Variants in KIRREL3 observed in about 807,000 individuals in gnomAD.
KIRREL3 encodes the protein kin of IRRE-like protein 3.
Under a neutral mutation model 89.7 loss-of-function variants are expected in KIRREL3, and 36 were observed. That is an observed-to-expected ratio of 0.40 (90% CI 0.31 to 0.53). The LOEUF is 0.53. Among genes scored for constraint, KIRREL3 ranks in the 20% least tolerant of loss-of-function variants. The probability of loss-of-function intolerance (pLI) is 0.49; values close to 1 mark genes in which losing one functional copy is unlikely to be tolerated. For missense variants in KIRREL3, 864 were observed against 1,056.6 expected, an observed-to-expected ratio of 0.82 and a Z score of 2.53; for synonymous variants, 445 against 441.4, an observed-to-expected ratio of 1.01 and a Z score of -0.10.
chr11:126,799,708 T>A (rs746782858), intron 1 of KIRREL3, among the ~76,000 whole-genome samples: 2 of 152,056 alleles, frequency 1.3e-5, no homozygotes, highest in Admixed American at 1.3e-4. Flanking sequence ...ACCAGAGAGA[T>A]GGCAGAACCT....
At chr11:126,559,341 C>T (rs1051811984) in intron 2 of KIRREL3, among the ~76,000 whole-genome samples, 6 of 152,212 alleles carry the variant, frequency 3.9e-5, no homozygotes, top group Admixed American at 2.0e-4. Flanking sequence ...TAGTTAATTA[C>T]CTAAATGAAA....
chr11:126,825,645 T>C (rs2134466730), intron 1 of KIRREL3, among the ~76,000 whole-genome samples: 2 of 152,360 alleles, frequency 1.3e-5, no homozygotes, highest in Middle Eastern at 3.4e-3. Context: ...GAATACTACA[T>C]TCCTGTTAGA....
rs972056273 is a variant in KIRREL3 at position 126,644,573 on chromosome 11, G to A, written c.56-81661C>T. 3.3e-5 allele frequency among the ~76,000 whole-genome samples: 5 copies of A among 152,200 alleles called. No individual in the cohort carries two copies. The East Asian group carries it at 9.6e-4, about 29-fold the overall frequency. ...ATGAAGCTGGTGAAGACATGGGTTG[G>A]GGGTGGGGGCTGAAAGCCTGGTACT... On this transcript the variant is annotated intron_variant, in intron 1 of 16. Transcript: ENST00000525144.
rs1270146174 is a variant in KIRREL3, at chr11:126,808,771, A to G, written c.55+191684T>C. Among the ~76,000 whole-genome samples, 5 of 152,200 alleles carry G rather than the reference A, an allele frequency of 3.3e-5. No individual in the cohort carries two copies. Among genetic ancestry groups the G allele is most frequent in the Admixed American group, 2.0e-4 (3 of 15,274 alleles). On this transcript the variant is annotated intron_variant, in intron 1 of 16. Coordinates refer to ENST00000525144, the MANE Select transcript of KIRREL3 (RefSeq NM_032531.4). The surrounding 1 kb of genome is among the most constrained non-coding windows in gnomAD (Gnocchi z 4.1). ...ATAGAATGAATTGTTGAGACGGAGA[A>G]TATATTTTGCCATCTCAGTGCTTCT...
At chr11:126,542,491 T>C (rs367738936) in intron 2 of KIRREL3, among the ~76,000 whole-genome samples, 2 of 152,328 alleles carry the variant, frequency 1.3e-5, no homozygotes, top group East Asian at 3.9e-4. Flanking sequence ...AATATGGATA[T>C]GTTTGATGTT....
rs937623800 is a variant in KIRREL3, at chr11:126,900,482, GTTAAACAAAAAAGTAA to G, written c.55+99957_55+99972del. On this transcript the variant is annotated intron_variant, in intron 1 of 16. Transcript: ENST00000525144. This position sits in a 1 kb window ranked among gnomAD's most constrained non-coding sequence, Gnocchi z 4.4. The stretch of plus-strand genomic sequence containing the variant: ...CCAATTCCCTTTCCTTCTGCAAAGA[GTTAAACAAAAAAGTAA>G]TTAAACAATAATTTCTTTGTGAGTG... Among the ~76,000 whole-genome samples, 255 of 152,284 alleles carry G rather than the reference GTTAAACAAAAAAGTAA, an allele frequency of 1.7e-3. No homozygotes were observed. The highest frequency in any genetic ancestry group is 5.8e-3 in the African/African-American group (243 of 41,558).
At position 126,443,393 on chromosome 11, in the gene KIRREL3, T is replaced by C. The variant is rs1955661682; in HGVS notation, c.1252+1586A>G. On this transcript the variant is annotated intron_variant, in intron 10 of 16. Coordinates refer to ENST00000525144, the MANE Select transcript of KIRREL3 (RefSeq NM_032531.4). The surrounding 1 kb of genome is among the most constrained non-coding windows in gnomAD (Gnocchi z 7.3). ...GAAAAGGCTGCAGCCTGTGTTGCCATGGATATACGGAGGCGCGATCAGATG... is the reference window on the plus strand; with the variant it reads ...GAAAAGGCTGCAGCCTGTGTTGCCACGGATATACGGAGGCGCGATCAGATG... Among the ~76,000 whole-genome samples, 1 of 152,154 alleles carries C rather than the reference T, an allele frequency of 6.6e-6. No individual in the cohort carries two copies. Among genetic ancestry groups the C allele is most frequent in the Admixed American group, 6.5e-5 (1 of 15,276 alleles).
In KIRREL3 at chr11:126,747,885, ACT is replaced by A. The variant is rs1357646772; in HGVS notation, c.56-184975_56-184974del. ...TTAGCAACCTCAGGTCAACTGGAAG[ACT>A]CCCCTCCAGACAGGCGTTGCGGTCT... On this transcript the variant is annotated intron_variant, in intron 1 of 16. Transcript: ENST00000525144. The surrounding 1 kb of genome is among the most constrained non-coding windows in gnomAD (Gnocchi z 4.7). 1.3e-5 allele frequency among the ~76,000 whole-genome samples: 2 copies of A among 150,858 alleles called. No homozygotes were observed. The highest frequency in any genetic ancestry group is 4.9e-5 in the African/African-American group (2 of 40,908).
In KIRREL3 at chr11:126,754,819, C is replaced by T. The variant is rs1343664867; in HGVS notation, c.56-191907G>A. 1.3e-5 allele frequency among the ~76,000 whole-genome samples: 2 copies of T among 152,134 alleles called. No homozygotes were observed. The highest frequency in any genetic ancestry group is 4.8e-5 in the African/African-American group (2 of 41,442). ...TAAAATATAGGTCACCACAAATCAC[C>T]ACTTAGGAAATGACTGGTCTCTTTC... On this transcript the variant is annotated intron_variant, in intron 1 of 16. Transcript: ENST00000525144. The surrounding 1 kb of genome is among the most constrained non-coding windows in gnomAD (Gnocchi z 5.1).
In KIRREL3 at chr11:126,775,947, G is replaced by T. The variant is rs901694287; in HGVS notation, c.56-213035C>A. On this transcript the variant is annotated intron_variant, in intron 1 of 16. Coordinates refer to ENST00000525144, the MANE Select transcript of KIRREL3 (RefSeq NM_032531.4). ...TGAGACCTCTGACCCCTATGGCTTGGGGGAGGTACAATGGCTGAGGCTGAT... is the reference window on the plus strand; with the variant it reads ...TGAGACCTCTGACCCCTATGGCTTGTGGGAGGTACAATGGCTGAGGCTGAT... Among the ~76,000 whole-genome samples, 32 of 152,292 alleles carry T rather than the reference G, an allele frequency of 2.1e-4. No individual in the cohort carries two copies. In the East Asian group the frequency reaches 2.3e-3, roughly 11 times the overall value.
At chr11:126,951,198 A>C (rs1948764622) in intron 1 of KIRREL3, among the ~76,000 whole-genome samples, 1 of 152,228 alleles carries the variant, frequency 6.6e-6, no homozygotes, top group African/African-American at 2.4e-5. Flanking sequence ...GCTTCAGAAA[A>C]GAGGAGCCTG....
intron 1 of KIRREL3, among the ~76,000 whole-genome samples, chr11:126,692,272 C>T (rs149810755): frequency 3.7e-4 from 57 of 152,146 alleles, no homozygotes; most frequent in African/African-American, 1.2e-3. Context: ...AGGCTGGGCA[C>T]GGTGGTTCAG....
At position 126,965,137 on chromosome 11, in the gene KIRREL3, A is replaced by G. The variant is rs1047057384; in HGVS notation, c.55+35318T>C. Among the ~76,000 whole-genome samples the G allele has an allele frequency of 6.6e-5, 10 of 152,220 alleles. No individual in the cohort carries two copies. Among genetic ancestry groups the G allele is most frequent in the Non-Finnish European group, 8.8e-5 (6 of 68,038 alleles). ...TCAAGAACAGAGAGATAAAATGGAG[A>G]TAAGTGTGAGTTAGGAGCTCTGGGG... On this transcript the variant is annotated intron_variant, in intron 1 of 16. Transcript: ENST00000525144. The surrounding 1 kb of genome is among the most constrained non-coding windows in gnomAD (Gnocchi z 4.4).
At chr11:126,580,915 C>G (rs528715791) in intron 1 of KIRREL3, among the ~76,000 whole-genome samples, 3 of 149,100 alleles carry the variant, frequency 2.0e-5, no homozygotes, top group African/African-American at 7.4e-5. Context: ...CCCTTTCAGT[C>G]TTTGCATGTG....
intron 1 of KIRREL3, among the ~76,000 whole-genome samples, chr11:126,638,226 C>T (rs10790817): frequency 0.22 from 33,217 of 152,138 alleles, 3,929 homozygotes; most frequent in East Asian, 0.32. Flanking sequence ...CCCATTTCCT[C>T]TTGACAGAAT....
intron 1 of KIRREL3, among the ~76,000 whole-genome samples, chr11:126,657,576 C>T (rs546396381): frequency 2.0e-5 from 3 of 152,202 alleles, no homozygotes; most frequent in East Asian, 3.9e-4. Context: ...GGGGCTGGGA[C>T]GTGTGGGAAC....
intron 1 of KIRREL3, among the ~76,000 whole-genome samples, chr11:126,932,610 C>A (rs1001891562): frequency 6.6e-6 from 1 of 152,236 alleles, no homozygotes; most frequent in African/African-American, 2.4e-5. Context: ...GTCCCTGCTA[C>A]AGCCACCCCC....
chr11:126,869,265 C>T (rs766352652), intron 1 of KIRREL3, among the ~76,000 whole-genome samples: 13 of 151,746 alleles, frequency 8.6e-5, no homozygotes, highest in South Asian at 6.3e-4. Context: ...AATGAACACC[C>T]GGCTTCCTTG....
At position 126,724,749 on chromosome 11, in the gene KIRREL3, C is replaced by G. The variant is rs61897896; in HGVS notation, c.56-161837G>C. 0.063 allele frequency among the ~76,000 whole-genome samples: 9,660 copies of G among 152,220 alleles called. 418 individuals are homozygous for G. The highest frequency in any genetic ancestry group is 0.12 in the African/African-American group (5,053 of 41,518). On this transcript the variant is annotated intron_variant, in intron 1 of 16. Transcript: ENST00000525144. The surrounding 1 kb of genome is among the most constrained non-coding windows in gnomAD (Gnocchi z 4.3). Reference sequence around the variant, plus strand: ...AGCAAGACTGAGACCTGCTTATGGGCCAAGGGTTCTTAGTATTAGATAAGA... The same window carrying G: ...AGCAAGACTGAGACCTGCTTATGGGGCAAGGGTTCTTAGTATTAGATAAGA...
Sources: gnomAD v4.1 joint callset for allele counts (sites outside exome capture counted in the v4.1 genomes callset) on GRCh38, gnomAD v4.1.1 for gene constraint, Gnocchi (gnomAD v3.1) non-coding constraint, MANE v1.5 for transcripts, NCBI Gene and HGNC (gene_info 2026-07-23, HGNC 2026-07-21) for gene names.